The following MAPK10 variants were observed in gnomAD, a reference collection of about 807,000 sequenced individuals.
MAPK10 encodes JNK3 alpha protein kinase.
A neutral mutation model predicts 59.3 loss-of-function variants in MAPK10; 25 were observed. The ratio of observed to expected loss-of-function variants is 0.42; its 90% CI spans 0.31 to 0.59. The LOEUF is 0.59. Ranked by LOEUF, MAPK10 falls within the 20% of genes least tolerant of loss-of-function variation. MAPK10 has a pLI of 0.15. For missense variants in MAPK10, 351 were observed against 568.9 expected (o/e 0.62, Z 3.90); for synonymous variants, 190 against 200.5 (o/e 0.95, Z 0.44).
At chr4:86,165,948 G>C (rs2071547840) in intron 3 of MAPK10, among the ~76,000 whole-genome samples, 1 of 151,982 alleles carries the variant, frequency 6.6e-6, no homozygotes, top group African/African-American at 2.4e-5. Flanking sequence ...AATTATGTTT[G>C]ATAATTTGAT....
In MAPK10 at chr4:86,440,711, T is replaced by C. The variant is rs78212800; in HGVS notation, c.-122+12319A>G. Among the ~76,000 whole-genome samples, 936 of 152,224 alleles carry C rather than the reference T, an allele frequency of 6.1e-3. 5 individuals are homozygous for C. The highest frequency in any genetic ancestry group is 0.027 in the East Asian group (138 of 5,184). On this transcript the variant is annotated intron_variant, in intron 1 of 13. Coordinates refer to the MAPK10 transcript ENST00000361569. ...TAGAATATGTCCATACAGTGGCATA[T>C]GTCATTTAAAATGATGTTTCTGGTA...
intron 1 of MAPK10, among the ~76,000 whole-genome samples, chr4:86,433,530 ATAT>A (rs956875637): frequency 8.3e-4 from 124 of 150,142 alleles, no homozygotes; most frequent in Middle Eastern, 3.4e-3. Context: ...CAGGATCAAA[ATAT>A]TATCACAGTC....
intron 2 of MAPK10, among the ~76,000 whole-genome samples, chr4:86,226,536 C>G (rs1045146219): frequency 6.6e-6 from 1 of 152,172 alleles, no homozygotes; most frequent in Non-Finnish European, 1.5e-5. Flanking sequence ...TAAGTTAGTA[C>G]AGTAACCAGC....
In MAPK10 at chr4:86,494,842, C is replaced by CAAAAAAAAAAAAAAAAAAAAAA. The variant is rs567947232; in HGVS notation, c.-263+99046_-263+99067dup. The stretch of plus-strand genomic sequence containing the variant: ...TGGGCGACAGAGAGAGACTCCGTCT[C>CAAAAAAAAAAAAAAAAAAAAAA]AAAAAAAAAAAAAAAAAAAAAAAAA... On this transcript the variant is annotated intron_variant, in intron 1 of 4. Transcript: ENST00000502302. 8.3e-5 allele frequency among the ~76,000 whole-genome samples: 2 copies of CAAAAAAAAAAAAAAAAAAAAAA among 23,968 alleles called. 1 individual carries two copies. The highest frequency in any genetic ancestry group is 4.8e-4 in the African/African-American group (2 of 4,204). 15.7% of individuals were successfully genotyped at this position (23,968 alleles called of 152,430 possible).
intron 11 of MAPK10, among the ~76,000 whole-genome samples, chr4:86,048,857 C>T (rs370698116): frequency 6.6e-6 from 1 of 151,932 alleles, no homozygotes; most frequent in Non-Finnish European, 1.5e-5. Flanking sequence ...TTAAAATATA[C>T]ATACTTTTTG....
chr4:86,264,040 G>C (rs2094126489), intron 2 of MAPK10, among the ~76,000 whole-genome samples: 1 of 152,104 alleles, frequency 6.6e-6, no homozygotes, highest in Non-Finnish European at 1.5e-5. Flanking sequence ...TGCTTAAATA[G>C]AAAATATTTT....
At chr4:86,186,770 T>C (rs1293112056) in intron 3 of MAPK10, among the ~76,000 whole-genome samples, 2 of 152,128 alleles carry the variant, frequency 1.3e-5, no homozygotes, top group Non-Finnish European at 2.9e-5. Flanking sequence ...CTGTCAATTA[T>C]ATATGACAAC....
intron 1 of MAPK10, among the ~76,000 whole-genome samples, chr4:86,498,586 C>T (rs1488845595): frequency 6.6e-6 from 1 of 152,144 alleles, no homozygotes; most frequent in Non-Finnish European, 1.5e-5. Flanking sequence ...GCTCCCAAAT[C>T]TACATTAAGA....
intron 2 of MAPK10, among the ~76,000 whole-genome samples, chr4:86,272,747 G>A (rs1460244317): frequency 6.6e-6 from 1 of 152,004 alleles, no homozygotes; most frequent in African/African-American, 2.4e-5. Context: ...CATGACATTT[G>A]CCTGTAACCA....
chr4:86,509,461 C>CAAAAAAAAAAAAAA (rs754265099), intron 1 of MAPK10, among the ~76,000 whole-genome samples: 1 of 105,670 alleles, frequency 9.5e-6, no homozygotes, highest in Admixed American at 1.0e-4. Flanking sequence ...AAACGCTGAC[C>CAAAAAAAAAAAAAA]AAAAAAAAAA....
At chr4:86,556,890 C>A (rs968105730) in intron 1 of MAPK10, among the ~76,000 whole-genome samples, 1 of 152,074 alleles carries the variant, frequency 6.6e-6, no homozygotes, top group African/African-American at 2.4e-5. Flanking sequence ...GATGTCCTTA[C>A]AATTCCATGC....
intron 2 of MAPK10, among the ~76,000 whole-genome samples, chr4:86,306,870 T>C (rs2095577650): frequency 6.6e-6 from 1 of 152,202 alleles, no homozygotes; most frequent in Non-Finnish European, 1.5e-5. Context: ...TTACTCTCCG[T>C]GTGCCCACAT....
intron 4 of MAPK10, among the ~76,000 whole-genome samples, chr4:86,139,758 G>A (rs1468971339): frequency 1.3e-5 from 2 of 151,664 alleles, no homozygotes; most frequent in African/African-American, 4.9e-5. Context: ...ATACAAAATG[G>A]GAGAAAATTT....
chr4:86,050,805 T>C (rs1191108200), intron 11 of MAPK10, among the ~76,000 whole-genome samples: 2 of 152,156 alleles, frequency 1.3e-5, no homozygotes, highest in African/African-American at 4.8e-5. Context: ...AACAGATTGC[T>C]GTACTATGAA....
chr4:86,107,129 C>A, intron 5 of MAPK10, 94 bp downstream of exon 5: 1 of 981,560 alleles, frequency 1.0e-6, no homozygotes, highest in Non-Finnish European at 1.5e-6. Context: ...AATTGCAAAG[C>A]AAAGAAAGCC....
chr4:86,437,451 C>T (rs1470283436), intron 1 of MAPK10, among the ~76,000 whole-genome samples: 1 of 152,174 alleles, frequency 6.6e-6, no homozygotes, highest in Non-Finnish European at 1.5e-5. Flanking sequence ...GCCCACTTTG[C>T]GTTCAAGGAA....
chr4:86,492,183 C>T (rs1157909372), intron 1 of MAPK10, among the ~76,000 whole-genome samples: 2 of 152,116 alleles, frequency 1.3e-5, no homozygotes, highest in African/African-American at 4.8e-5. Context: ...TCTTCAGATT[C>T]AAGGTGCAAT....
intron 1 of MAPK10, among the ~76,000 whole-genome samples, chr4:86,463,135 A>T (rs1279888972): frequency 6.6e-6 from 1 of 152,362 alleles, no homozygotes; most frequent in East Asian, 1.9e-4. Context: ...TAAATGGAGA[A>T]TGTTAACTGA....
chr4:86,178,656 C>T (rs533617779), intron 3 of MAPK10, among the ~76,000 whole-genome samples: 1 of 152,126 alleles, frequency 6.6e-6, no homozygotes, highest in African/African-American at 2.4e-5. Context: ...CACTATTATT[C>T]AACATAGTAC....
Sources: allele counts gnomAD v4.1 joint callset (sites outside exome capture counted in the v4.1 genomes callset), GRCh38; gene constraint gnomAD v4.1.1; transcripts MANE v1.5; gene names NCBI Gene and HGNC (gene_info 2026-07-23, HGNC 2026-07-21).